Variants in ABTB2 observed in about 807,000 individuals in gnomAD.
ABTB2 encodes the protein ankyrin repeat and BTB domain containing 2.
Under a neutral mutation model 104.1 loss-of-function variants are expected in ABTB2, and 56 were observed. The observed-to-expected ratio is 0.54, with a 90% CI of 0.43 to 0.67. The LOEUF (loss-of-function observed/expected upper bound fraction) is 0.67. ABTB2 is among the 30% of genes least tolerant of loss of function. ABTB2 has a pLI of 0.00. For synonymous variants in ABTB2, 606 were observed against 608.2 expected, an observed-to-expected ratio of 1.00 and a Z score of 0.05; for missense variants, 1,279 against 1,407.7, an observed-to-expected ratio of 0.91 and a Z score of 1.46.
At chr11:34,216,220 T>G (rs1316750902) in intron 1 of ABTB2, among the ~76,000 whole-genome samples, 4 of 152,140 alleles carry the variant, frequency 2.6e-5, no homozygotes. Context: ...TAAGCCAGAC[T>G]ACCTAGGCTT....
intron 1 of ABTB2, among the ~76,000 whole-genome samples, chr11:34,297,910 G>C (rs1447663273): frequency 6.6e-6 from 1 of 151,916 alleles, no homozygotes; most frequent in Non-Finnish European, 1.5e-5. Flanking sequence ...AGGGGATTAA[G>C]GCCCTTATAA....
At chr11:34,318,170 C>T (rs953660973) in intron 1 of ABTB2, among the ~76,000 whole-genome samples, 3 of 152,078 alleles carry the variant, frequency 2.0e-5, no homozygotes, top group Admixed American at 6.6e-5. Flanking sequence ...GCTTTCGCCA[C>T]ATTGGCCAGG....
At chr11:34,318,080 C>T (rs1854961034) in intron 1 of ABTB2, among the ~76,000 whole-genome samples, 1 of 152,022 alleles carries the variant, frequency 6.6e-6, no homozygotes, top group Non-Finnish European at 1.5e-5. Flanking sequence ...AATTCTCCTG[C>T]CTCAGCCTCC....
At chr11:34,311,816 G>A (rs546158597) in intron 1 of ABTB2, among the ~76,000 whole-genome samples, 5 of 152,322 alleles carry the variant, frequency 3.3e-5, no homozygotes, top group African/African-American at 1.2e-4. Flanking sequence ...CTCTGCTGGA[G>A]CAGGACTTCT....
intron 3 of ABTB2, among the ~76,000 whole-genome samples, chr11:34,179,571 TTCCCTG>T (rs1292953248): frequency 6.6e-6 from 1 of 152,246 alleles, no homozygotes; most frequent in Non-Finnish European, 1.5e-5. Flanking sequence ...CCTAGACCCC[TTCCCTG>T]TGGCATCCTC....
chr11:34,211,657 GC>G (rs1175025228), intron 1 of ABTB2, among the ~76,000 whole-genome samples: 2 of 152,028 alleles, frequency 1.3e-5, no homozygotes, highest in Non-Finnish European at 2.9e-5. Flanking sequence ...ACTTTGGGAG[GC>G]CAAGGCAGGA....
At position 34,197,347 on chromosome 11, in the gene ABTB2, T is replaced by G; in HGVS notation, c.1222A>C (p.Arg408=). The change falls in exon 3 of 17, where the codon AGA becomes CGA. Residue 408 remains arginine (R), a synonymous_variant. Transcript: ENST00000435224. ...SMENPNLDPP[R]MTLNNERPFM... ...TACCGTTCATTGTTCAAGGTCATTC[T>G]CGGGGGGTCCAGGTTGGGGTTCTCC... is the stretch of plus-strand genomic sequence containing the variant. 1 of 1,614,080 alleles carries G rather than the reference T, an allele frequency of 6.2e-7. No homozygotes were observed. Among genetic ancestry groups the G allele is most frequent in the Non-Finnish European group, 8.5e-7 (1 of 1,180,006 alleles).
intron 10 of ABTB2, among the ~76,000 whole-genome samples, chr11:34,162,184 G>A (rs1022808754): frequency 1.3e-5 from 2 of 152,238 alleles, no homozygotes; most frequent in Non-Finnish European, 2.9e-5. Context: ...GCAGACCCAA[G>A]GAGTGCAAGG....
chr11:34,271,533 GTT>G (rs912551800), intron 1 of ABTB2, among the ~76,000 whole-genome samples: 2 of 152,162 alleles, frequency 1.3e-5, no homozygotes, highest in African/African-American at 4.8e-5. Flanking sequence ...GAGCTCAGGA[GTT>G]TGAGACTACC....
At chr11:34,238,450 C>A (rs1853872620) in intron 1 of ABTB2, among the ~76,000 whole-genome samples, 1 of 152,190 alleles carries the variant, frequency 6.6e-6, no homozygotes, top group Admixed American at 6.5e-5. Context: ...CTGTTTTATT[C>A]ATTGCTATAT....
intron 1 of ABTB2, among the ~76,000 whole-genome samples, chr11:34,209,515 C>T (rs289986): frequency 0.016 from 1,866 of 113,696 alleles, 25 homozygotes; most frequent in African/African-American, 0.034. Context: ...CTTCTCTAAG[C>T]TACTTTTCAC....
At chr11:34,189,854 T>A (rs1431918162) in intron 3 of ABTB2, among the ~76,000 whole-genome samples, 1 of 152,194 alleles carries the variant, frequency 6.6e-6, no homozygotes. Flanking sequence ...CTTCTTACTG[T>A]GTACCAGGCA....
intron 1 of ABTB2, among the ~76,000 whole-genome samples, chr11:34,223,311 C>T (rs1449340425): frequency 6.6e-6 from 1 of 152,202 alleles, no homozygotes; most frequent in Non-Finnish European, 1.5e-5. Context: ...TCCAGGACAG[C>T]TGGCCTGGAT....
intron 1 of ABTB2, among the ~76,000 whole-genome samples, chr11:34,295,053 G>T (rs901426258): frequency 3.3e-5 from 5 of 152,162 alleles, no homozygotes; most frequent in African/African-American, 9.7e-5. Context: ...GCATGGAGGT[G>T]CAAGCCTGTA....
At chr11:34,346,714 A>G (rs1264719334) in intron 1 of ABTB2, among the ~76,000 whole-genome samples, 1 of 152,108 alleles carries the variant, frequency 6.6e-6, no homozygotes, top group Admixed American at 6.5e-5. Context: ...TCTCCACACC[A>G]CAGATAAGGA....
At chr11:34,303,426 C>T (rs1203568398) in intron 1 of ABTB2, among the ~76,000 whole-genome samples, 1 of 152,200 alleles carries the variant, frequency 6.6e-6, no homozygotes, top group African/African-American at 2.4e-5. Flanking sequence ...CACTCTTAAT[C>T]AATTGCAAGG....
intron 1 of ABTB2, among the ~76,000 whole-genome samples, chr11:34,287,479 G>A (rs1854519070): frequency 6.6e-6 from 1 of 152,170 alleles, no homozygotes; most frequent in Non-Finnish European, 1.5e-5. Flanking sequence ...AATCTGGGAG[G>A]TGGAGGCTGT....
chr11:34,231,321 C>T (rs1853766578), intron 1 of ABTB2, among the ~76,000 whole-genome samples: 1 of 152,098 alleles, frequency 6.6e-6, no homozygotes, highest in Non-Finnish European at 1.5e-5. Context: ...GGAGAATAAA[C>T]CAATCAATCT....
At chr11:34,209,468 C>T (rs1853448930) in intron 1 of ABTB2, among the ~76,000 whole-genome samples, 1 of 141,586 alleles carries the variant, frequency 7.1e-6, no homozygotes, top group Non-Finnish European at 1.5e-5. Flanking sequence ...CCCAAGATAT[C>T]AGCAGAGTTA....
Sources: gnomAD v4.1 joint callset for allele counts (sites outside exome capture counted in the v4.1 genomes callset) on GRCh38, gnomAD v4.1.1 for gene constraint, MANE v1.5 for transcripts, NCBI Gene and HGNC (gene_info 2026-07-23, HGNC 2026-07-21) for gene names.